The following PARN variants were observed in gnomAD, a reference collection of about 807,000 sequenced individuals.
PARN encodes the protein poly(A)-specific ribonuclease PARN.
PARN carries 71 observed loss-of-function variants against 102.8 expected under a neutral mutation model. The observed-to-expected ratio is 0.69, with a 90% confidence interval of 0.57 to 0.84. PARN has a LOEUF of 0.84. Among genes scored for constraint, PARN ranks in the 40% least tolerant of loss-of-function variants. The pLI is 0.00. For missense variants in PARN, 782 were observed against 760.9 expected (o/e 1.03, Z -0.33); for synonymous variants, 261 against 252.9 (o/e 1.03, Z -0.30).
intron 13 of PARN, among the ~76,000 whole-genome samples, chr16:14,588,474 A>G (rs1291900235): frequency 1.3e-5 from 2 of 152,198 alleles, no homozygotes; most frequent in African/African-American, 4.8e-5. Flanking sequence ...CATTTGTTAA[A>G]TCGATATTTA....
chr16:14,585,980 C>CTTTTTTTTTTTTTTTTTTTTT (rs772896503), intron 14 of PARN, among the ~76,000 whole-genome samples: 1 of 127,240 alleles, frequency 7.9e-6, no homozygotes. Context: ...CACAATGACT[C>CTTTTTTTTTTTTTTTTTTTTT]TTTTTTTTTT....
chr16:14,511,834 G>A (rs952692798), intron 21 of PARN, among the ~76,000 whole-genome samples: 21 of 152,244 alleles, frequency 1.4e-4, no homozygotes, highest in South Asian at 8.3e-4. Flanking sequence ...CCAAGTAGCT[G>A]GGACTATGGG....
At chr16:14,496,926 G>A (rs773453564) in intron 21 of PARN, among the ~76,000 whole-genome samples, 2 of 151,908 alleles carry the variant, frequency 1.3e-5, no homozygotes, top group African/African-American at 2.4e-5. Flanking sequence ...TTTTGAATAC[G>A]ACAGAACAGT....
intron 5 of PARN, among the ~76,000 whole-genome samples, chr16:14,624,582 A>G (rs1466086015): frequency 6.6e-6 from 1 of 152,202 alleles, no homozygotes; most frequent in African/African-American, 2.4e-5. Flanking sequence ...TCTGTTTCCA[A>G]TACATTTCTC....
chr16:14,603,668 C>G (rs570398905), intron 11 of PARN, among the ~76,000 whole-genome samples: 104 of 152,302 alleles, frequency 6.8e-4, no homozygotes, highest in Non-Finnish European at 1.4e-3. Context: ...AGCTAGGTTA[C>G]TCCACAGCTT....
chr16:14,458,781 C>A (rs929556045), intron 22 of PARN, among the ~76,000 whole-genome samples: 1 of 152,150 alleles, frequency 6.6e-6, no homozygotes, highest in African/African-American at 2.4e-5. Flanking sequence ...GAAGCCAGGG[C>A]ACTGGTATCA....
At chr16:14,516,262 T>C (rs1269014060) in intron 21 of PARN, among the ~76,000 whole-genome samples, 2 of 151,984 alleles carry the variant, frequency 1.3e-5, no homozygotes, top group African/African-American at 2.4e-5. Context: ...AAGATCCAAA[T>C]AGCTATAATA....
intron 13 of PARN, among the ~76,000 whole-genome samples, chr16:14,588,571 C>T (rs1289702047): frequency 1.3e-5 from 2 of 152,158 alleles, no homozygotes; most frequent in Non-Finnish European, 2.9e-5. Context: ...TTGCTGATAA[C>T]TTCATTGCTT....
intron 5 of PARN, among the ~76,000 whole-genome samples, chr16:14,619,729 G>T (rs556013232): frequency 2.6e-5 from 4 of 151,666 alleles, no homozygotes; most frequent in Non-Finnish European, 4.4e-5. Context: ...TGATCACACC[G>T]CTGGACTCCA....
chr16:14,485,975 A>G (rs1644102230), intron 21 of PARN, among the ~76,000 whole-genome samples: 1 of 152,178 alleles, frequency 6.6e-6, no homozygotes, highest in African/African-American at 2.4e-5. Context: ...GGCGTGAGCC[A>G]CCGTGCCTGG....
At chr16:14,627,227 G>A in intron 4 of PARN, 40 bp from the exon 5 acceptor site, 3 of 1,569,452 alleles carry the variant, frequency 1.9e-6, no homozygotes, top group Non-Finnish European at 2.6e-6. Context: ...GTGACATTGT[G>A]CCACAAAAAC....
At chr16:14,468,195 G>C (rs1041606307) in intron 22 of PARN, among the ~76,000 whole-genome samples, 1 of 152,120 alleles carries the variant, frequency 6.6e-6, no homozygotes, top group African/African-American at 2.4e-5. Flanking sequence ...AGAGAGGAGG[G>C]CTTGAATTTA....
chr16:14,453,004 C>G (rs1301151108), intron 22 of PARN, among the ~76,000 whole-genome samples: 1 of 152,150 alleles, frequency 6.6e-6, no homozygotes, highest in Non-Finnish European at 1.5e-5. Context: ...CTCTCAATAC[C>G]TGCATGTTGA....
At chr16:14,627,994 C>T (rs1237429547) in intron 3 of PARN, among the ~76,000 whole-genome samples, 178 bp downstream of exon 3, 1 of 151,894 alleles carries the variant, frequency 6.6e-6, no homozygotes, top group Non-Finnish European at 1.5e-5. Flanking sequence ...GGTGACAGAG[C>T]GAGACCTTGT....
intron 21 of PARN, among the ~76,000 whole-genome samples, chr16:14,528,670 G>A (rs1054182466): frequency 3.3e-5 from 5 of 152,142 alleles, no homozygotes; most frequent in South Asian, 2.1e-4. Context: ...GCACTATGTC[G>A]AGAACTTTAC....
chr16:14,455,803 G>T (rs746079035), intron 22 of PARN, among the ~76,000 whole-genome samples: 2 of 152,198 alleles, frequency 1.3e-5, no homozygotes, highest in Non-Finnish European at 2.9e-5. Flanking sequence ...TCTCCTACAT[G>T]TTGCTGTCCT....
rs567526376 is a variant in PARN at position 14,440,073 on chromosome 16, G to C, written c.1865-3301C>G. 7.9e-5 allele frequency among the ~76,000 whole-genome samples: 12 copies of C among 152,028 alleles called. No homozygotes were observed. The South Asian group carries it at 2.5e-3, about 32-fold the overall frequency. On this transcript the variant is annotated intron_variant, in intron 23 of 23. Transcript: ENST00000437198. ...ACCACCAACAACAACAAAATGAAAAGAAAAACCAACCTAGAAGAATATATT... is the reference window on the plus strand; with the variant it reads ...ACCACCAACAACAACAAAATGAAAACAAAAACCAACCTAGAAGAATATATT...
chr16:14,553,794 T>C (rs2151708118), intron 20 of PARN, among the ~76,000 whole-genome samples: 1 of 152,340 alleles, frequency 6.6e-6, no homozygotes, highest in East Asian at 1.9e-4. Context: ...CACAGCTTAT[T>C]TTCCCTGGTC....
chr16:14,533,048 GGC>G (rs1966437027), intron 21 of PARN, among the ~76,000 whole-genome samples: 1 of 152,136 alleles, frequency 6.6e-6, no homozygotes, highest in Non-Finnish European at 1.5e-5. Flanking sequence ...GGGAGGCCAA[GGC>G]AGGCGGCTGG....
Sources: gnomAD v4.1 joint callset for allele counts (sites outside exome capture counted in the v4.1 genomes callset) on GRCh38, gnomAD v4.1.1 for gene constraint, MANE v1.5 for transcripts, NCBI Gene and HGNC (gene_info 2026-07-23, HGNC 2026-07-21) for gene names.